RASEF: variants seen among roughly 807,000 people sequenced by gnomAD.
RASEF encodes the protein ras and EF-hand domain-containing protein.
In RASEF, 68 loss-of-function variants were observed where a neutral mutation model predicts 90.1. The observed-to-expected ratio is 0.75, with a 90% CI of 0.62 to 0.92. RASEF has a LOEUF of 0.92. RASEF is among the 40% of genes least tolerant of loss of function. RASEF has a pLI of 0.00. For missense variants in RASEF, 949 were observed against 937.2 expected, an observed-to-expected ratio of 1.01 and a Z score of -0.16; for synonymous variants, 331 against 345.2, an observed-to-expected ratio of 0.96 and a Z score of 0.46.
chr9:83,085,680 C>G, the RASEF span, among the ~76,000 whole-genome samples: 2 of 152,074 alleles, frequency 1.3e-5, no homozygotes, highest in African/African-American at 4.8e-5. Flanking sequence ...AATCCCAGCA[C>G]TTTGGGAGGC....
the RASEF span, among the ~76,000 whole-genome samples, chr9:83,193,115 G>A: frequency 1.3e-5 from 2 of 152,194 alleles, no homozygotes; most frequent in Admixed American, 6.5e-5. Context: ...CAAGACTAGT[G>A]GCCAACAACA....
At position 82,979,960 on chromosome 9, in the gene RASEF, C is replaced by T. The variant is rs1289777228; in HGVS notation, c.*2717G>A. ...GTGCAACTTGGGTTTATGCAGATCA[C>T]ATCAAGTGTTAAATAATCAAATGTC... On this transcript the variant is annotated 3_prime_UTR_variant, in exon 17 of 17. Coordinates refer to ENST00000376447, the MANE Select transcript of RASEF (RefSeq NM_152573.4). 1 of 152,100 alleles carries T rather than the reference C, an allele frequency of 6.6e-6. No individual in the cohort carries two copies. The highest frequency in any genetic ancestry group is 1.5e-5 in the Non-Finnish European group (1 of 68,030). 9.4% of individuals were successfully genotyped at this position (152,100 alleles called of 1,614,324 possible). A position where few individuals can be genotyped will look rare whatever the true frequency, so the allele number is the denominator to read the frequency against.
chr9:83,001,250 T>TC, intron 9 of RASEF, 120 bp from the exon 10 acceptor site: 2 of 654,220 alleles, frequency 3.1e-6, no homozygotes, highest in Non-Finnish European at 5.3e-6. Flanking sequence ...AGAGCCGCAG[T>TC]GTTATTTCAT....
chr9:83,038,757 T>C (rs1003790615), intron 1 of RASEF, among the ~76,000 whole-genome samples: 4 of 152,322 alleles, frequency 2.6e-5, no homozygotes, highest in Admixed American at 2.6e-4. Flanking sequence ...TGTCAGATAA[T>C]AAAATAGTGT....
At chr9:83,184,070 A>C in the RASEF span, among the ~76,000 whole-genome samples, 3 of 152,206 alleles carry the variant, frequency 2.0e-5, no homozygotes, top group Non-Finnish European at 4.4e-5. Flanking sequence ...GTTGCCACAG[A>C]GGAAGAGCAA....
chr9:83,087,405 T>TTCATTCTCTCTCTC, the RASEF span, among the ~76,000 whole-genome samples: 1 of 115,532 alleles, frequency 8.7e-6, no homozygotes, highest in African/African-American at 3.3e-5. Flanking sequence ...TTCTCATTCA[T>TTCATTCTCTCTCTC]TCTCTCTCTC....
chr9:83,205,301 A>G, the RASEF span, among the ~76,000 whole-genome samples: 5 of 152,232 alleles, frequency 3.3e-5, no homozygotes, highest in Non-Finnish European at 7.3e-5. Context: ...TGCTAGATGA[A>G]GCACAAACAG....
the RASEF span, among the ~76,000 whole-genome samples, chr9:83,217,925 T>C: frequency 5.9e-5 from 9 of 152,218 alleles, no homozygotes; most frequent in Non-Finnish European, 1.2e-4. Context: ...CTCCTCCTAA[T>C]TTATCCAATA....
At chr9:83,113,665 C>T in the RASEF span, among the ~76,000 whole-genome samples, 3 of 152,074 alleles carry the variant, frequency 2.0e-5, no homozygotes, top group Non-Finnish European at 4.4e-5. Context: ...CTGTCTTATG[C>T]GGTTGAGATA....
chr9:83,120,741 C>T, the RASEF span, among the ~76,000 whole-genome samples: 15,391 of 152,208 alleles, frequency 0.1, 801 homozygotes, highest in Non-Finnish European at 0.11. Flanking sequence ...TTGGTAATCA[C>T]TTTGTTGATG....
chr9:83,109,045 C>T, the RASEF span, among the ~76,000 whole-genome samples: 5 of 152,150 alleles, frequency 3.3e-5, no homozygotes, highest in Non-Finnish European at 7.4e-5. Context: ...AGTTCATTAG[C>T]AGTGTTGCAT....
At chr9:83,091,954 T>G in the RASEF span, among the ~76,000 whole-genome samples, 33 of 151,064 alleles carry the variant, frequency 2.2e-4, 1 homozygote, top group African/African-American at 7.7e-4. Context: ...CTCACTGTTC[T>G]TACTAAGATC....
chr9:82,990,651 A>T (rs181176913), intron 15 of RASEF, among the ~76,000 whole-genome samples, 184 bp from the exon 16 acceptor site: 44 of 152,384 alleles, frequency 2.9e-4, no homozygotes, highest in African/African-American at 1.0e-3. Flanking sequence ...TAGTTACTCC[A>T]GGAAAAGTTC....
intron 1 of RASEF, among the ~76,000 whole-genome samples, chr9:83,041,245 T>C (rs1206087429): frequency 1.3e-5 from 2 of 152,262 alleles, no homozygotes; most frequent in East Asian, 3.8e-4. Flanking sequence ...TTATTGTCTA[T>C]GACATCTTTG....
chr9:83,087,803 A>G, the RASEF span, among the ~76,000 whole-genome samples: 1 of 151,832 alleles, frequency 6.6e-6, no homozygotes, highest in Non-Finnish European at 1.5e-5. Context: ...TTCCTCTGCT[A>G]GCTGTGGGTT....
chr9:83,137,766 C>A, the RASEF span, among the ~76,000 whole-genome samples: 1 of 142,712 alleles, frequency 7.0e-6, no homozygotes, highest in African/African-American at 2.6e-5. Context: ...GTAGATCAGC[C>A]ACAAGGGATT....
At chr9:83,023,908 T>C (rs80035751) in intron 2 of RASEF, among the ~76,000 whole-genome samples, 4,506 of 152,302 alleles carry the variant, frequency 0.03, 206 homozygotes, top group African/African-American at 0.1. Context: ...TCTTCTTTTG[T>C]AAATCAGGGT....
At chr9:82,995,538 A>G (rs185153610) in intron 14 of RASEF, among the ~76,000 whole-genome samples, 307 of 152,100 alleles carry the variant, frequency 2.0e-3, no homozygotes, top group Non-Finnish European at 3.4e-3. Flanking sequence ...TCGACCTCCT[A>G]GGGCTCAGGT....
chr9:83,144,412 G>GAAAGAAAGAAAGA, the RASEF span, among the ~76,000 whole-genome samples: 27 of 122,850 alleles, frequency 2.2e-4, no homozygotes, highest in African/African-American at 5.1e-4. Context: ...AAGAAAGAAA[G>GAAAGAAAGAAAGA]AAAGAAAAGA....
Sources: allele counts gnomAD v4.1 joint callset (sites outside exome capture counted in the v4.1 genomes callset), GRCh38; gene constraint gnomAD v4.1.1; transcripts MANE v1.5; gene names NCBI Gene and HGNC (gene_info 2026-07-23, HGNC 2026-07-21).